GSE1: variants seen among roughly 807,000 people sequenced by gnomAD.
GSE1 encodes genetic suppressor element 1.
GSE1 carries 32 observed loss-of-function variants against 112.6 expected under a neutral mutation model. The observed-to-expected ratio is 0.28, with a 90% CI of 0.21 to 0.38. The LOEUF is 0.38. Ranked by LOEUF, GSE1 falls within the 10% of genes least tolerant of loss-of-function variation. The pLI is 1.00. For synonymous variants in GSE1, 1,115 were observed against 735.6 expected (o/e 1.52, Z -8.35); for missense variants, 2,348 against 1,699.2 (o/e 1.38, Z -6.71).
At chr16:85,551,322 G>A (rs1453186004), upstream of GSE1, among the ~76,000 whole-genome samples, 1 of 152,216 alleles carries the variant, frequency 6.6e-6, no homozygotes, top group African/African-American at 2.4e-5. Flanking sequence ...ATGGGCACCT[G>A]GCAGTCTGTC....
At chr16:85,652,717 G>A (rs542582990) in intron 3 of GSE1, among the ~76,000 whole-genome samples, 2 of 152,288 alleles carry the variant, frequency 1.3e-5, no homozygotes, top group African/African-American at 4.8e-5. Flanking sequence ...CAGGAAGAGG[G>A]GCTGGCGGGT....
exon 1 of GSE1, chr16:85,171,025 A>T (rs767151855): frequency 4.2e-5 from 41 of 985,512 alleles, no homozygotes; most frequent in Admixed American, 1.2e-4. Context: ...CAGGATCCTC[A>T]ACGGCAACGC....
chr16:85,418,543 C>T (rs2048755206), intron 2 of GSE1, among the ~76,000 whole-genome samples: 2 of 152,218 alleles, frequency 1.3e-5, no homozygotes, highest in African/African-American at 4.8e-5. Context: ...AACAGGCACA[C>T]ACAGGCCAGC....
In GSE1 at chr16:85,388,186, G is replaced by A. The variant is rs968400694; in HGVS notation, c.2464+30543G>A. On this transcript the variant is annotated intron_variant, in intron 2 of 2. Transcript: ENST00000637419. ...TGAGTGGGTGGATGGGTGGGTGGAT[G>A]GATGGATGGATGGATGGAGGGATGG... Among the ~76,000 whole-genome samples the A allele has an allele frequency of 7.9e-5, 12 of 151,394 alleles. 1 individual carries two copies. In the East Asian group the frequency reaches 1.6e-3, roughly 20 times the overall value.
chr16:85,268,284 G>A (rs1280367873), intron 1 of GSE1, among the ~76,000 whole-genome samples: 1 of 151,960 alleles, frequency 6.6e-6, no homozygotes, highest in African/African-American at 2.4e-5. Context: ...TTCACACACA[G>A]CATCGCACAG....
chr16:85,274,503 C>G (rs960622784), intron 1 of GSE1, among the ~76,000 whole-genome samples: 1 of 152,250 alleles, frequency 6.6e-6, no homozygotes, highest in African/African-American at 2.4e-5. Context: ...GCTCAGGCAT[C>G]CCAGTGGCTG....
At chr16:85,539,285 A>G (rs2044438492) in intron 2 of GSE1, among the ~76,000 whole-genome samples, 1 of 152,200 alleles carries the variant, frequency 6.6e-6, no homozygotes, top group Non-Finnish European at 1.5e-5. Flanking sequence ...AGCTGCATGC[A>G]CATGTTTCCC....
At chr16:85,239,229 G>A (rs1192940831) in intron 1 of GSE1, among the ~76,000 whole-genome samples, 4 of 152,214 alleles carry the variant, frequency 2.6e-5, no homozygotes, top group Non-Finnish European at 5.9e-5. Context: ...ACCACGCCAG[G>A]CCTGGCAGTG....
At chr16:85,577,580 T>A (rs2046279861) in intron 1 of GSE1, among the ~76,000 whole-genome samples, 2 of 151,974 alleles carry the variant, frequency 1.3e-5, no homozygotes, top group Non-Finnish European at 2.9e-5. Flanking sequence ...GCTGCGATTA[T>A]CCCCCTTTCA....
In GSE1 at chr16:85,475,523, A is replaced by G. The variant is rs564985520; in HGVS notation, c.2464+117880A>G. On this transcript the variant is annotated intron_variant, in intron 2 of 2. Transcript: ENST00000637419. Reference sequence around the variant, plus strand: ...CTGCCTGGATCCTGTAATTGTGCCAAAGAGTGATGATTTATCACGATGCTG... The same window carrying G: ...CTGCCTGGATCCTGTAATTGTGCCAGAGAGTGATGATTTATCACGATGCTG... Among the ~76,000 whole-genome samples, 41 of 152,226 alleles carry G rather than the reference A, an allele frequency of 2.7e-4. 1 individual carries two copies. Among genetic ancestry groups the G allele is most frequent in the Non-Finnish European group, 4.6e-4 (31 of 68,038 alleles).
intron 11 of GSE1, among the ~76,000 whole-genome samples, chr16:85,663,973 G>C (rs574429776): frequency 2.0e-4 from 31 of 152,368 alleles, no homozygotes; most frequent in Non-Finnish European, 2.9e-4. Flanking sequence ...TTTTCCTCTT[G>C]CTGGACCGCT....
chr16:85,319,744 G>A (rs1337136289), intron 1 of GSE1, among the ~76,000 whole-genome samples: 2 of 152,158 alleles, frequency 1.3e-5, no homozygotes, highest in African/African-American at 4.8e-5. Context: ...ATTCTGCCTC[G>A]TACTGTGTTA....
intron 1 of GSE1, among the ~76,000 whole-genome samples, chr16:85,192,099 A>G (rs1320077907): frequency 2.6e-5 from 4 of 152,220 alleles, no homozygotes; most frequent in Non-Finnish European, 5.9e-5. Context: ...TTTTTTGCTC[A>G]TGCACATTCT....
intron 1 of GSE1, among the ~76,000 whole-genome samples, chr16:85,303,824 C>A (rs920299164): frequency 6.6e-6 from 1 of 152,214 alleles, no homozygotes; most frequent in East Asian, 1.9e-4. Flanking sequence ...CCTGGCCTGG[C>A]GGGGTTGCGA....
At chr16:85,557,140 G>A (rs1235028475) in intron 1 of GSE1, among the ~76,000 whole-genome samples, 1 of 152,090 alleles carries the variant, frequency 6.6e-6, no homozygotes, top group Non-Finnish European at 1.5e-5. Context: ...ATGGAAGCTG[G>A]TGATCCAGGA....
intron 1 of GSE1, among the ~76,000 whole-genome samples, chr16:85,623,596 G>A (rs2048875868): frequency 6.6e-6 from 1 of 152,184 alleles, no homozygotes; most frequent in Admixed American, 6.5e-5. Context: ...GCCTTCAGTG[G>A]AAGTTCAGGC....
At chr16:85,293,276 TG>T (rs1414279280) in intron 1 of GSE1, among the ~76,000 whole-genome samples, 1 of 152,198 alleles carries the variant, frequency 6.6e-6, no homozygotes, top group Non-Finnish European at 1.5e-5. Flanking sequence ...CCTGGCACGG[TG>T]GCTCACACCT....
intron 1 of GSE1, among the ~76,000 whole-genome samples, chr16:85,244,150 G>C (rs1025129018): frequency 3.3e-5 from 5 of 152,144 alleles, no homozygotes; most frequent in Non-Finnish European, 7.4e-5. Context: ...GGGGCATTAA[G>C]GTTGCAGGTG....
chr16:85,200,829 C>T (rs1042948673), intron 1 of GSE1, among the ~76,000 whole-genome samples: 10 of 152,174 alleles, frequency 6.6e-5, no homozygotes, highest in South Asian at 4.1e-4. Flanking sequence ...CCACCACCAC[C>T]GTCCGTCACC....
Sources: gnomAD v4.1 joint callset for allele counts (sites outside exome capture counted in the v4.1 genomes callset) on GRCh38, gnomAD v4.1.1 for gene constraint, MANE v1.5 for transcripts, NCBI Gene and HGNC (gene_info 2026-07-23, HGNC 2026-07-21) for gene names.